The following SLC25A48 variants were observed in gnomAD, a reference collection of about 807,000 sequenced individuals.
SLC25A48 encodes solute carrier family 25 member 48.
In SLC25A48, 29 loss-of-function variants were observed where a neutral mutation model predicts 32.2. The observed-to-expected ratio is 0.90, with a 90% CI of 0.67 to 1.23. SLC25A48 has a LOEUF of 1.23. SLC25A48 is among the 50% of genes most tolerant of loss of function. The pLI is 0.00. For missense variants in SLC25A48, 399 were observed against 422.7 expected (o/e 0.94, Z 0.49); for synonymous variants, 164 against 172.3 (o/e 0.95, Z 0.38).
chr5:135,770,074 T>G (rs988129376), intron 3 of SLC25A48, among the ~76,000 whole-genome samples: 6 of 128,734 alleles, frequency 4.7e-5, no homozygotes, highest in Non-Finnish European at 1.1e-4. Context: ...CGTGATATTT[T>G]TCCTAATAGC....
Position 135,886,673 on chromosome 5 carries a change from TGAGAGAGAGA to T in SLC25A48, c.*8-1339_*8-1330del, listed in dbSNP as rs368347571. Among the ~76,000 whole-genome samples the T allele has an allele frequency of 4.6e-3, 151 of 32,688 alleles. 7 individuals are homozygous for T. The highest frequency in any genetic ancestry group is 0.012 in the African/African-American group (142 of 11,458). The allele number at this position is 32,688 out of a possible 152,430, so 21.4% of individuals were successfully genotyped here. A position where few individuals can be genotyped will look rare whatever the true frequency, so the allele number is the denominator to read the frequency against. ...ATGTGTGTGTGTGTGTGTGTGTGTG[TGAGAGAGAGA>T]GAGAGAGAGAGAGAGAGAGTGTGTG... On this transcript the variant is annotated intron_variant, in intron 7 of 7. Coordinates refer to ENST00000681962, the MANE Select transcript of SLC25A48 (RefSeq NM_001349336.2).
intron 4 of SLC25A48, among the ~76,000 whole-genome samples, chr5:135,829,172 G>C (rs945534068): frequency 6.6e-6 from 1 of 152,218 alleles, no homozygotes; most frequent in Admixed American, 6.5e-5. Flanking sequence ...TGGCTCTTCT[G>C]TCACTGTCAG....
intron 3 of SLC25A48, among the ~76,000 whole-genome samples, chr5:135,754,578 A>G (rs950261142): frequency 3.3e-5 from 5 of 151,950 alleles, no homozygotes; most frequent in Admixed American, 3.3e-4. Flanking sequence ...TGAATGAAAT[A>G]TCACTATGAT....
intron 7 of SLC25A48, among the ~76,000 whole-genome samples, chr5:135,885,564 G>C (rs948976182): frequency 6.6e-6 from 1 of 152,112 alleles, no homozygotes. Context: ...CTCTGGCACT[G>C]TGTCCCTCCC....
chr5:135,842,607 G>C, intron 2 of SLC25A48, 148 bp downstream of exon 2: 1 of 780,560 alleles, frequency 1.3e-6, no homozygotes, highest in Non-Finnish European at 2.1e-6. Context: ...TTGGGTGCCA[G>C]GAGGTCTGGT....
intron 1 of SLC25A48, among the ~76,000 whole-genome samples, chr5:135,599,792 A>G (rs982112337): frequency 2.6e-5 from 4 of 151,974 alleles, no homozygotes; most frequent in Non-Finnish European, 4.4e-5. Flanking sequence ...CTGATCCTGT[A>G]TAAGGAGCTG....
At chr5:135,811,626 T>C (rs12654022) in intron 3 of SLC25A48, among the ~76,000 whole-genome samples, 53,699 of 152,030 alleles carry the variant, frequency 0.35, 9,628 homozygotes, top group Middle Eastern at 0.44. Flanking sequence ...AAAATATACA[T>C]GTAATTTCAA....
In SLC25A48 at chr5:135,656,730, G is replaced by A. The variant is rs182573076; in HGVS notation, c.-521+21774G>A. On this transcript the variant is annotated intron_variant, in intron 3 of 10. Coordinates refer to the SLC25A48 transcript ENST00000646290. ...CTTATCAGAAGAGTAGAAGAGATAT[G>A]CAGGGAGAAGGCCATGTGATAATAA... is the stretch of plus-strand genomic sequence containing the variant. 3.9e-5 allele frequency among the ~76,000 whole-genome samples: 6 copies of A among 152,252 alleles called. No individual in the cohort carries two copies. In the East Asian group the frequency reaches 1.2e-3, roughly 29 times the overall value.
At chr5:135,688,704 A>C (rs564558549) in intron 3 of SLC25A48, among the ~76,000 whole-genome samples, 1 of 152,338 alleles carries the variant, frequency 6.6e-6, no homozygotes, top group African/African-American at 2.4e-5. Context: ...GCAGGCCCTG[A>C]AGGCTGGGTT....
chr5:135,755,163 C>T (rs779749991), intron 3 of SLC25A48, among the ~76,000 whole-genome samples: 3 of 152,092 alleles, frequency 2.0e-5, no homozygotes, highest in Admixed American at 6.6e-5. Context: ...AGTGTTTACA[C>T]ACTGTGATAT....
intron 1 of SLC25A48, among the ~76,000 whole-genome samples, chr5:135,610,969 C>G (rs1008102187): frequency 6.6e-6 from 1 of 152,120 alleles, no homozygotes; most frequent in African/African-American, 2.4e-5. Context: ...AAAAGACTTA[C>G]AAAGCGCAGA....
intron 3 of SLC25A48, among the ~76,000 whole-genome samples, chr5:135,668,881 C>G (rs1273549372): frequency 6.6e-6 from 1 of 152,158 alleles, no homozygotes; most frequent in Non-Finnish European, 1.5e-5. Context: ...AGCATCAGCT[C>G]TGGGAGGGGC....
At chr5:135,745,359 G>T (rs1755615258) in intron 3 of SLC25A48, among the ~76,000 whole-genome samples, 1 of 152,194 alleles carries the variant, frequency 6.6e-6, no homozygotes, top group African/African-American at 2.4e-5. Flanking sequence ...TTCCACCCAG[G>T]GTGGGCCACG....
chr5:135,853,268 G>A (rs997180163), intron 4 of SLC25A48, among the ~76,000 whole-genome samples: 1 of 152,170 alleles, frequency 6.6e-6, no homozygotes, highest in Non-Finnish European at 1.5e-5. Context: ...AAGGTTGGGT[G>A]GGCTGTGGCA....
intron 3 of SLC25A48, among the ~76,000 whole-genome samples, chr5:135,700,448 A>C (rs2126965844): frequency 6.6e-6 from 1 of 152,070 alleles, no homozygotes; most frequent in Non-Finnish European, 1.5e-5. Flanking sequence ...TAGTCAGCCA[A>C]ATATTGAGTG....
At chr5:135,836,365 T>G (rs1758508136) in intron 1 of SLC25A48, among the ~76,000 whole-genome samples, 1 of 152,166 alleles carries the variant, frequency 6.6e-6, no homozygotes, top group East Asian at 1.9e-4. Flanking sequence ...TGGCTTTTTT[T>G]TTTTTTGGCT....
chr5:135,817,037 G>A (rs1002122863), intron 4 of SLC25A48, among the ~76,000 whole-genome samples: 1 of 152,208 alleles, frequency 6.6e-6, no homozygotes, highest in Non-Finnish European at 1.5e-5. Context: ...ATATAAAAAT[G>A]TATTTTAGAA....
chr5:135,769,373 C>T (rs1756339833), intron 3 of SLC25A48, among the ~76,000 whole-genome samples: 1 of 150,926 alleles, frequency 6.6e-6, no homozygotes, highest in Non-Finnish European at 1.5e-5. Context: ...CTCCAAATAT[C>T]CCAAGGAGTG....
chr5:135,615,284 GT>G (rs932838264), intron 1 of SLC25A48, among the ~76,000 whole-genome samples: 1 of 152,206 alleles, frequency 6.6e-6, no homozygotes, highest in African/African-American at 2.4e-5. Flanking sequence ...TTGTTAAATG[GT>G]TGTGAACAAA....
Sources: gnomAD v4.1 joint callset for allele counts (sites outside exome capture counted in the v4.1 genomes callset) on GRCh38, gnomAD v4.1.1 for gene constraint, MANE v1.5 for transcripts, NCBI Gene and HGNC (gene_info 2026-07-23, HGNC 2026-07-21) for gene names.